The following VAT1 variants were observed in gnomAD, a reference collection of about 807,000 sequenced individuals.
The protein encoded by VAT1 is vesicle amine transport 1, also known as NADPH-dependent quinone oxidoreductase VAT1.
A neutral mutation model predicts 33.3 loss-of-function variants in VAT1; 24 were observed. The ratio of observed to expected loss-of-function variants is 0.72; its 90% CI spans 0.52 to 1.01. VAT1 has a LOEUF of 1.01. Ranked by LOEUF, VAT1 falls within the 50% of genes least tolerant of loss-of-function variation. The probability of loss-of-function intolerance (pLI) is 0.00; values close to 1 mark genes in which losing one functional copy is unlikely to be tolerated. For missense variants in VAT1, 436 were observed against 533.7 expected, an observed-to-expected ratio of 0.82 and a Z score of 1.80; for synonymous variants, 212 against 225.0, an observed-to-expected ratio of 0.94 and a Z score of 0.52.
chr17:43,020,952 G>C lies in VAT1; in HGVS notation c.387+984C>G, dbSNP rs550427468. The stretch of plus-strand genomic sequence containing the variant: ...AATGGCGTGCTGAGGCCTCATCCCA[G>C]GTCTCTCAAAAAGCTGATCATTTTG... On this transcript the variant is annotated intron_variant, in intron 1 of 5. Coordinates refer to ENST00000355653, the MANE Select transcript of VAT1 (RefSeq NM_006373.4). 2.6e-5 allele frequency among the ~76,000 whole-genome samples: 4 copies of C among 151,712 alleles called. No homozygotes were observed. The East Asian group carries it at 7.7e-4, about 29-fold the overall frequency.
Position 43,016,063 on chromosome 17 carries a change from A to T in VAT1, c.1180T>A (p.Ter394LysextTer5), listed in dbSNP as rs745488079. The change falls in exon 6 of 6, where the codon TAG (stop) becomes AAG (lysine). Residue 394 changes from the stop codon to lysine, a stop_lost. Coordinates refer to ENST00000355653, the MANE Select transcript of VAT1 (RefSeq NM_006373.4). ...LLVPGPEKEN[*>K] ...CTAGGGTCTCACAGCCACTTGCCCT[A>T]GTTCTCCTTCTCTGGCCCTGGAACC... The T allele has an allele frequency of 4.3e-6, 7 of 1,614,104 alleles. No homozygotes were observed. The highest frequency in any genetic ancestry group is 5.9e-6 in the Non-Finnish European group (7 of 1,179,986).
At chr17:43,021,489 C>G (rs1382340016) in intron 1 of VAT1, among the ~76,000 whole-genome samples, 2 of 152,122 alleles carry the variant, frequency 1.3e-5, no homozygotes, top group African/African-American at 2.4e-5. Context: ...CGCCCAACCC[C>G]GACGACATAG....
In VAT1 at chr17:43,022,317, G is replaced by A. The variant is rs986715141; in HGVS notation, c.6C>T (p.Ser2=). The stretch of plus-strand genomic sequence containing the variant: ...CTGCCTCGGCTACCTCTCTCTCGTC[G>A]GACATGGCTGGGACTCCCGACGAGA... M[S]DEREVAEAAT... The change falls in exon 1 of 6, where the codon TCC becomes TCT. Residue 2 remains serine (S), a synonymous_variant. Transcript: ENST00000355653. The A allele has an allele frequency of 1.3e-6, 2 of 1,576,568 alleles. No homozygotes were observed. Among genetic ancestry groups the A allele is most frequent in the African/African-American group, 1.4e-5 (1 of 73,938 alleles).
Position 43,021,957 on chromosome 17 carries a change from G to A in VAT1, c.366C>T (p.Gly122=), listed in dbSNP as rs768026214. The change falls in exon 1 of 6, where the codon GGC becomes GGT. Residue 122 remains glycine (G), a synonymous_variant. Transcript: ENST00000355653. ...MEGAGVVIAV[G]EGVSDRKAGD... ...TCACCTTGCGGTCGCTGACTCCCTC[G>A]CCCACTGCGATCACAACACCCGCGC... 8 of 1,610,726 alleles carry A rather than the reference G, an allele frequency of 5.0e-6. No individual in the cohort carries two copies. Among genetic ancestry groups the A allele is most frequent in the South Asian group, 1.1e-5 (1 of 90,936 alleles).
Position 43,015,877 on chromosome 17 carries a change from C to G in VAT1, c.*184G>C. On this transcript the variant is annotated 3_prime_UTR_variant, in exon 6 of 6. Coordinates refer to ENST00000355653, the MANE Select transcript of VAT1 (RefSeq NM_006373.4). ...GGCCCAGACATCCAAATGGTCACTT[C>G]CCAACCTCTTCAGAGGTCAGGAAGC... The G allele has an allele frequency of 1.4e-6, 1 of 718,818 alleles. No individual in the cohort carries two copies. The highest frequency in any genetic ancestry group is 2.4e-6 in the Non-Finnish European group (1 of 418,236). The allele number at this position is 718,818 out of a possible 1,614,324, so 44.5% of individuals were successfully genotyped here. A position where few individuals can be genotyped will look rare whatever the true frequency, so the allele number is the denominator to read the frequency against.
chr17:43,015,968 T>A lies in VAT1; in HGVS notation c.*93A>T. 1.4e-6 allele frequency: 2 copies of A among 1,415,350 alleles called. No individual in the cohort carries two copies. The highest frequency in any genetic ancestry group is 9.9e-7 in the Non-Finnish European group (1 of 1,010,434). The allele number at this position is 1,415,350 out of a possible 1,614,324, so 87.7% of individuals were successfully genotyped here. A position where few individuals can be genotyped will look rare whatever the true frequency, so the allele number is the denominator to read the frequency against. The stretch of plus-strand genomic sequence containing the variant: ...TCGGGGGAGGGAGGGCAGAGCATTA[T>A]GACAGAGGCTGAAATGCAAGTCTGG... On this transcript the variant is annotated 3_prime_UTR_variant, in exon 6 of 6. Coordinates refer to ENST00000355653, the MANE Select transcript of VAT1 (RefSeq NM_006373.4).
chr17:43,020,107 C>T lies in VAT1; in HGVS notation c.388-1308G>A, dbSNP rs373047048. On this transcript the variant is annotated intron_variant, in intron 1 of 5. Transcript: ENST00000355653. Reference sequence around the variant, plus strand: ...TGCATTGGTCATTTAGGGTCATGGCCAGTCCCAGATTTGACCCAGAACAAG... The same window carrying T: ...TGCATTGGTCATTTAGGGTCATGGCTAGTCCCAGATTTGACCCAGAACAAG... 51 of 985,388 alleles carry T rather than the reference C, an allele frequency of 5.2e-5. No homozygotes were observed. In the African/African-American group the frequency reaches 7.9e-4, roughly 15 times the overall value. The allele number at this position is 985,388 out of a possible 1,614,324, so 61.0% of individuals were successfully genotyped here. A position where few individuals can be genotyped will look rare whatever the true frequency, so the allele number is the denominator to read the frequency against.
intron 1 of VAT1, 56 bp from the exon 2 acceptor site, chr17:43,018,855 T>C (rs2050542980): frequency 1.3e-6 from 2 of 1,597,414 alleles, no homozygotes; most frequent in Non-Finnish European, 1.7e-6. Context: ...ACAGGCTATT[T>C]ACTGATTTCC....
Position 43,021,917 on chromosome 17 carries a change from C to A in VAT1, c.387+19G>T. ...CAGTGGCCTGCGCAGCCCTGCCCTG[C>A]CCTACGCAACCCGCTCACCTTGCGG... is the stretch of plus-strand genomic sequence containing the variant. On this transcript the variant is annotated intron_variant, in intron 1 of 5. Coordinates refer to ENST00000355653, the MANE Select transcript of VAT1 (RefSeq NM_006373.4). The A allele has an allele frequency of 6.2e-7, 1 of 1,609,632 alleles. No homozygotes were observed. Among genetic ancestry groups the A allele is most frequent in the Non-Finnish European group, 8.5e-7 (1 of 1,179,426 alleles).
rs11539627 is a variant in VAT1 at position 43,014,869 on chromosome 17, C to T, written c.*1192G>A. 1 of 152,828 alleles carries T rather than the reference C, an allele frequency of 6.5e-6. No individual in the cohort carries two copies. The highest frequency in any genetic ancestry group is 1.5e-5 in the Non-Finnish European group (1 of 68,186). 9.5% of individuals were successfully genotyped at this position (152,828 alleles called of 1,614,324 possible). A position where few individuals can be genotyped will look rare whatever the true frequency, so the allele number is the denominator to read the frequency against. ...TGGCCCAGGTCCTGACCATCCCACTCTGTACTTCCCTGCTCCATCTCCCCA... is the reference window on the plus strand; with the variant it reads ...TGGCCCAGGTCCTGACCATCCCACTTTGTACTTCCCTGCTCCATCTCCCCA... On this transcript the variant is annotated 3_prime_UTR_variant, in exon 6 of 6. Transcript: ENST00000355653.
chr17:43,018,033 C>A lies in VAT1; in HGVS notation c.766+3G>T. On this transcript the variant is annotated splice_donor_region_variant and intron_variant, in intron 3 of 5. Coordinates refer to ENST00000355653, the MANE Select transcript of VAT1 (RefSeq NM_006373.4). ...CTACCCCCTCCCATATTATGCCCCC[C>A]ACCTTTAGGGGAAATCTTCTTGATC... is the stretch of plus-strand genomic sequence containing the variant. 3 of 1,613,252 alleles carry A rather than the reference C, an allele frequency of 1.9e-6. No individual in the cohort carries two copies. Among genetic ancestry groups the A allele is most frequent in the Non-Finnish European group, 8.5e-7 (1 of 1,179,252 alleles).
intron 4 of VAT1, 112 bp downstream of exon 4, chr17:43,017,729 C>A: frequency 2.3e-6 from 2 of 885,832 alleles, no homozygotes; most frequent in Non-Finnish European, 3.6e-6. Flanking sequence ...GTCTACAGAG[C>A]ACCTGAGTCC....
chr17:43,016,579 C>T (rs759096895), intron 4 of VAT1, 31 bp from the exon 5 acceptor site: 5 of 1,606,940 alleles, frequency 3.1e-6, no homozygotes, highest in African/African-American at 2.7e-5. Context: ...GCCTGTGAAC[C>T]CCCCCAGGCA....
In VAT1 at chr17:43,016,554, G is replaced by A. The variant is rs748389625; in HGVS notation, c.857-6C>T. 8.7e-6 allele frequency: 14 copies of A among 1,612,286 alleles called. No homozygotes were observed. Among genetic ancestry groups the A allele is most frequent in the South Asian group, 5.5e-5 (5 of 90,994 alleles). Reference sequence around the variant, plus strand: ...CGTCAGCAGGTTGGCCATTCCTGAAGGACAAGGTGACATAGCCTGTGAACC... The same window carrying A: ...CGTCAGCAGGTTGGCCATTCCTGAAAGACAAGGTGACATAGCCTGTGAACC... On this transcript the variant is annotated splice_polypyrimidine_tract_variant and splice_region_variant and intron_variant, in intron 4 of 5. Coordinates refer to ENST00000355653, the MANE Select transcript of VAT1 (RefSeq NM_006373.4).
chr17:43,019,723 G>A (rs1332171337), intron 1 of VAT1, among the ~76,000 whole-genome samples: 2 of 152,156 alleles, frequency 1.3e-5, no homozygotes, highest in African/African-American at 4.8e-5. Context: ...GAAGGGCAGG[G>A]AAAAGGAGGG....
intron 1 of VAT1, among the ~76,000 whole-genome samples, chr17:43,021,659 G>C (rs2050570099): frequency 1.3e-5 from 2 of 151,620 alleles, no homozygotes; most frequent in Admixed American, 6.6e-5. Context: ...CATGCGCATG[G>C]GCACCTTATT....
chr17:43,021,852 T>G (rs887331860), intron 1 of VAT1, 84 bp downstream of exon 1: 28 of 1,543,726 alleles, frequency 1.8e-5, no homozygotes, highest in Non-Finnish European at 2.2e-5. Flanking sequence ...TCTCCCGCCC[T>G]GCCACACCCC....
Position 43,022,333 on chromosome 17 carries a change from C to G in VAT1, c.-11G>C. On this transcript the variant is annotated 5_prime_UTR_variant, in exon 1 of 6. Transcript: ENST00000355653. ...TCTCTCGTCGGACATGGCTGGGACTCCCGACGAGAGCGCACAGCTGGATGG... is the reference window on the plus strand; with the variant it reads ...TCTCTCGTCGGACATGGCTGGGACTGCCGACGAGAGCGCACAGCTGGATGG... The G allele has an allele frequency of 6.5e-7, 1 of 1,549,140 alleles. No homozygotes were observed. Among genetic ancestry groups the G allele is most frequent in the Non-Finnish European group, 8.7e-7 (1 of 1,151,366 alleles).
intron 1 of VAT1, among the ~76,000 whole-genome samples, chr17:43,020,874 T>TAAAA (rs57324710): frequency 2.0e-5 from 2 of 100,174 alleles, no homozygotes; most frequent in African/African-American, 7.0e-5. Flanking sequence ...AAACTCCGTC[T>TAAAA]AAAAAAAAAA....
Sources: gnomAD v4.1 joint callset for allele counts (sites outside exome capture counted in the v4.1 genomes callset) on GRCh38, gnomAD v4.1.1 for gene constraint, MANE v1.5 for transcripts, NCBI Gene and HGNC (gene_info 2026-07-23, HGNC 2026-07-21) for gene names.